RAB28: variants seen among roughly 807,000 people sequenced by gnomAD.
RAB28 encodes the protein ras-related protein Rab-28.
RAB28 carries 24 observed loss-of-function variants against 31.7 expected under a neutral mutation model. The observed-to-expected ratio is 0.76, with a 90% CI of 0.55 to 1.06. RAB28 has a LOEUF of 1.06. Ranked by LOEUF, RAB28 falls within the 50% of genes least tolerant of loss-of-function variation. The pLI is 0.00. For synonymous variants in RAB28, 100 were observed against 90.4 expected (o/e 1.11, Z -0.60); for missense variants, 254 against 258.5 (o/e 0.98, Z 0.12).
At chr4:13,419,349 A>T (rs181817130) in intron 4 of RAB28, among the ~76,000 whole-genome samples, 107 of 152,320 alleles carry the variant, frequency 7.0e-4, no homozygotes, top group African/African-American at 2.3e-3. Flanking sequence ...AACGAGACAG[A>T]AGGTTAACAC....
At chr4:13,408,653 CA>C (rs1003020966) in intron 4 of RAB28, among the ~76,000 whole-genome samples, 24 of 150,616 alleles carry the variant, frequency 1.6e-4, no homozygotes, top group African/African-American at 5.9e-4. Context: ...ATTGCATGTG[CA>C]AAAAAAATGA....
At chr4:13,388,513 A>G (rs1449312157) in intron 4 of RAB28, among the ~76,000 whole-genome samples, 3 of 152,066 alleles carry the variant, frequency 2.0e-5, no homozygotes, top group Non-Finnish European at 2.9e-5. Flanking sequence ...GAAATAACAG[A>G]CGAACAGGGC....
At chr4:13,373,983 G>T (rs1207454740) in intron 6 of RAB28, among the ~76,000 whole-genome samples, 1 of 150,152 alleles carries the variant, frequency 6.7e-6, no homozygotes, top group Non-Finnish European at 1.5e-5. Flanking sequence ...ATATATGTGT[G>T]TGTGTATATA....
At position 13,385,661 on chromosome 4, in the gene RAB28, C is replaced by T. The variant is rs368561447; in HGVS notation, c.392-4067G>A. On this transcript the variant is annotated intron_variant, in intron 4 of 6. Transcript: ENST00000330852. ...GGGAATTCTTAGCAGACCTGGCTTACAAGAGCTCCTAAAGGAAGCAGTGAA... is the reference window on the plus strand; with the variant it reads ...GGGAATTCTTAGCAGACCTGGCTTATAAGAGCTCCTAAAGGAAGCAGTGAA... Among the ~76,000 whole-genome samples, 8 of 152,254 alleles carry T rather than the reference C, an allele frequency of 5.3e-5. No homozygotes were observed. In the South Asian group the frequency reaches 1.5e-3, roughly 28 times the overall value.
chr4:13,405,081 A>G (rs886940810), intron 4 of RAB28, among the ~76,000 whole-genome samples: 5 of 152,174 alleles, frequency 3.3e-5, no homozygotes. Context: ...CCTAACGAGA[A>G]TTTAAACCCA....
chr4:13,436,926 A>G (rs1714149332), intron 4 of RAB28, among the ~76,000 whole-genome samples: 1 of 152,156 alleles, frequency 6.6e-6, no homozygotes, highest in African/African-American at 2.4e-5. Context: ...AGCAAAAAGA[A>G]CAACAAAAGC....
At chr4:13,465,968 G>C (rs1042738096) in intron 3 of RAB28, among the ~76,000 whole-genome samples, 36 of 151,864 alleles carry the variant, frequency 2.4e-4, no homozygotes, top group African/African-American at 8.2e-4. Flanking sequence ...AATACACAAT[G>C]GAAAAAGGAT....
chr4:13,462,110 C>A (rs1715618044), intron 3 of RAB28, among the ~76,000 whole-genome samples: 1 of 152,186 alleles, frequency 6.6e-6, no homozygotes, highest in Non-Finnish European at 1.5e-5. Flanking sequence ...CACAGTCTTG[C>A]AGCAAAACTA....
chr4:13,441,364 A>G (rs1386162099), intron 4 of RAB28, among the ~76,000 whole-genome samples: 5 of 152,236 alleles, frequency 3.3e-5, no homozygotes, highest in African/African-American at 1.2e-4. Context: ...TCCTTTAAAA[A>G]GTAATTAAAT....
intron 1 of RAB28, among the ~76,000 whole-genome samples, chr4:13,483,308 A>G (rs1300996756): frequency 2.0e-5 from 3 of 152,122 alleles, no homozygotes; most frequent in African/African-American, 7.2e-5. Context: ...ATTCATTCGA[A>G]CAGGGGATCC....
intron 4 of RAB28, among the ~76,000 whole-genome samples, chr4:13,428,948 T>TG (rs1713660987): frequency 6.7e-6 from 1 of 150,180 alleles, no homozygotes. Context: ...ATTTCACTTT[T>TG]TTTTTTTTTT....
At chr4:13,459,795 T>C in intron 4 of RAB28, 1 of 1,213,244 alleles carries the variant, frequency 8.2e-7, no homozygotes, top group Non-Finnish European at 1.1e-6. Context: ...ACTTCTTTCT[T>C]CCCTAAAATA....
chr4:13,391,467 T>G (rs1190451764), intron 4 of RAB28, among the ~76,000 whole-genome samples: 1 of 152,142 alleles, frequency 6.6e-6, no homozygotes, highest in Admixed American at 6.6e-5. Context: ...GGAATGCAAA[T>G]TAGTTCAACC....
At chr4:13,427,381 G>C (rs911537412) in intron 4 of RAB28, among the ~76,000 whole-genome samples, 1 of 152,140 alleles carries the variant, frequency 6.6e-6, no homozygotes, top group Admixed American at 6.5e-5. Context: ...TGTCAGACAA[G>C]ACAAGCATGT....
intron 4 of RAB28, among the ~76,000 whole-genome samples, chr4:13,445,667 T>A (rs1714655422): frequency 6.6e-6 from 1 of 152,224 alleles, no homozygotes. Flanking sequence ...CCTGTTCGCC[T>A]GGGTATCACC....
At chr4:13,423,119 A>C (rs139806661) in intron 4 of RAB28, among the ~76,000 whole-genome samples, 3 of 152,202 alleles carry the variant, frequency 2.0e-5, no homozygotes, top group Non-Finnish European at 4.4e-5. Context: ...TACATATATG[A>C]AAAAGCAAAC....
At chr4:13,479,661 G>C (rs1311161413) in intron 1 of RAB28, 135 bp from the exon 2 acceptor site, 2 of 601,916 alleles carry the variant, frequency 3.3e-6, no homozygotes, top group Non-Finnish European at 5.6e-6. Context: ...GTTCTAATCA[G>C]TTACAAGGAG....
chr4:13,403,486 T>C (rs1274716807), intron 4 of RAB28, among the ~76,000 whole-genome samples: 1 of 152,230 alleles, frequency 6.6e-6, no homozygotes, highest in Non-Finnish European at 1.5e-5. Flanking sequence ...TGTCACAAAA[T>C]GTTGCCAAGT....
At chr4:13,479,380 T>C (rs2108977052) in intron 2 of RAB28, 50 bp downstream of exon 2, 2 of 1,361,484 alleles carry the variant, frequency 1.5e-6, no homozygotes, top group East Asian at 4.6e-5. Flanking sequence ...TGCCACTTAT[T>C]GTTAAGATTT....
Sources: allele counts gnomAD v4.1 joint callset (sites outside exome capture counted in the v4.1 genomes callset), GRCh38; gene constraint gnomAD v4.1.1; transcripts MANE v1.5; gene names NCBI Gene and HGNC (gene_info 2026-07-23, HGNC 2026-07-21).